Variants in RNF185 observed in about 807,000 individuals in gnomAD.
The protein encoded by RNF185 is ring finger protein 185.
Under a neutral mutation model 24.9 loss-of-function variants are expected in RNF185, and 13 were observed. The observed-to-expected ratio is 0.52, with a 90% CI of 0.34 to 0.83. RNF185 has a LOEUF of 0.83. RNF185 is among the 40% of genes least tolerant of loss of function. The pLI is 0.01. For synonymous variants in RNF185, 79 were observed against 90.3 expected (o/e 0.88, Z 0.71); for missense variants, 184 against 244.7 (o/e 0.75, Z 1.65).
chr22:31,192,598 A>G, intron 2 of RNF185, 86 bp from the exon 3 acceptor site: 1 of 1,137,436 alleles, frequency 8.8e-7, no homozygotes, highest in South Asian at 1.2e-5. Context: ...TCCACCCATC[A>G]AGTGTTTCTG....
intron 1 of RNF185, among the ~76,000 whole-genome samples, chr22:31,160,895 T>C (rs1923530616): frequency 1.3e-5 from 2 of 152,300 alleles, no homozygotes; most frequent in African/African-American, 4.8e-5. Context: ...TCTGAACTTA[T>C]GCGTAGGGGG....
intron 2 of RNF185, among the ~76,000 whole-genome samples, chr22:31,189,168 T>A (rs951134372): frequency 2.7e-5 from 4 of 149,686 alleles, no homozygotes; most frequent in Non-Finnish European, 5.9e-5. Flanking sequence ...TGTGTGTTTG[T>A]GTTTGTGTAT....
rs999848450 is a variant in RNF185, at chr22:31,205,617, T to C, written c.*1031T>C. On this transcript the variant is annotated 3_prime_UTR_variant, in exon 7 of 7. Coordinates refer to ENST00000326132, the MANE Select transcript of RNF185 (RefSeq NM_152267.4). ...AAGACCACCATCCTCAGAAGCCAAG[T>C]TGTCTTTTATGAAGAGGCAAGGAAA... 6.6e-6 allele frequency: 1 copy of C among 152,204 alleles called. No individual in the cohort carries two copies. Among genetic ancestry groups the C allele is most frequent in the African/African-American group, 2.4e-5 (1 of 41,432 alleles). 9.4% of individuals were successfully genotyped at this position (152,204 alleles called of 1,614,324 possible). A position where few individuals can be genotyped will look rare whatever the true frequency, so the allele number is the denominator to read the frequency against.
intron 3 of RNF185, among the ~76,000 whole-genome samples, chr22:31,194,039 C>G (rs908660448): frequency 1.3e-5 from 2 of 151,066 alleles, no homozygotes. Context: ...ATTACAGGTG[C>G]ACACCACCAC....
At chr22:31,196,237 T>C (rs962282604) in intron 4 of RNF185, among the ~76,000 whole-genome samples, 4 of 152,194 alleles carry the variant, frequency 2.6e-5, no homozygotes, top group South Asian at 2.1e-4. Context: ...TCATCTCTTA[T>C]GAGCAGCCCT....
chr22:31,164,181 G>C (rs930672964), intron 1 of RNF185, among the ~76,000 whole-genome samples: 1 of 149,592 alleles, frequency 6.7e-6, no homozygotes. Context: ...GGGTTTCACC[G>C]TGTTGGCCAG....
In RNF185 at chr22:31,195,496, G is replaced by A. The variant is rs2048197238; in HGVS notation, c.223G>A (p.Val75Met). The change falls in exon 4 of 7, where the codon GTG (valine) becomes ATG (methionine). Residue 75 changes from valine to methionine, a missense_variant. Val to Met is a conservative substitution (Grantham distance 21, BLOSUM62 1). Transcript: ENST00000326132. ...QWLETRPNRQVCPVCKAGISR... is the reference protein window; with the variant it reads ...QWLETRPNRQMCPVCKAGISR... ...GTTGGAGACCAGACCTAACAGACAG[G>A]TGTGTCCTGTTTGCAAAGCTGGCAT... The A allele has an allele frequency of 3.1e-6, 5 of 1,609,310 alleles. No individual in the cohort carries two copies. Among genetic ancestry groups the A allele is most frequent in the Non-Finnish European group, 4.2e-6 (5 of 1,178,030 alleles).
In RNF185 at chr22:31,188,993, G is replaced by T. The variant is rs562796358; in HGVS notation, c.176+1723G>T. Among the ~76,000 whole-genome samples, 874 of 149,446 alleles carry T rather than the reference G, an allele frequency of 5.8e-3. 13 individuals are homozygous for T. The highest frequency in any genetic ancestry group is 0.019 in the African/African-American group (793 of 40,948). On this transcript the variant is annotated intron_variant, in intron 2 of 6. Transcript: ENST00000326132. ...AAAAAAAAATTAGCCGGGTGTGGTG[G>T]AGTGCACCTGTAGTCCCAGCTGCTG...
At chr22:31,194,089 A>G (rs1425080780) in intron 3 of RNF185, among the ~76,000 whole-genome samples, 1 of 151,264 alleles carries the variant, frequency 6.6e-6, no homozygotes, top group Non-Finnish European at 1.5e-5. Context: ...GAGACAACGG[A>G]GTTTCACCAT....
intron 1 of RNF185, among the ~76,000 whole-genome samples, chr22:31,182,423 GA>G (rs1242685008): frequency 2.6e-5 from 4 of 152,192 alleles, no homozygotes; most frequent in Non-Finnish European, 5.9e-5. Flanking sequence ...GAGTAGCTGG[GA>G]CCATAGACAT....
At chr22:31,190,586 C>G (rs1389427121) in intron 2 of RNF185, among the ~76,000 whole-genome samples, 2 of 151,290 alleles carry the variant, frequency 1.3e-5, no homozygotes, top group Admixed American at 6.6e-5. Context: ...CACGCCCAGC[C>G]TGGTTTTTGG....
intron 1 of RNF185, among the ~76,000 whole-genome samples, chr22:31,165,146 G>A (rs113087907): frequency 0.041 from 6,179 of 150,438 alleles, 112 homozygotes; most frequent in Non-Finnish European, 0.051. Flanking sequence ...TGGAACTCCC[G>A]GCCTCAGGTG....
chr22:31,182,190 C>T (rs1478840523), intron 1 of RNF185, among the ~76,000 whole-genome samples: 1 of 150,452 alleles, frequency 6.6e-6, no homozygotes, highest in Non-Finnish European at 1.5e-5. Context: ...CGGCTCACTG[C>T]AGCCTCCACC....
Position 31,192,683 on chromosome 22 carries a change from G to C in RNF185, c.177-1G>C, listed in dbSNP as rs2048166968. 1.9e-6 allele frequency: 3 copies of C among 1,613,788 alleles called. No individual in the cohort carries two copies. The highest frequency in any genetic ancestry group is 2.5e-6 in the Non-Finnish European group (3 of 1,179,824). On this transcript the variant is annotated splice_acceptor_variant, in intron 2 of 6. Coordinates refer to ENST00000326132, the MANE Select transcript of RNF185 (RefSeq NM_152267.4). LOFTEE classifies it high-confidence loss of function. Reference sequence around the variant, plus strand: ...ACTGGTTGCCCTGGGGACTCTGGCAGTTGGCCGTGTTTACATCAGGTAAGA... The same window carrying C: ...ACTGGTTGCCCTGGGGACTCTGGCACTTGGCCGTGTTTACATCAGGTAAGA...
intron 1 of RNF185, among the ~76,000 whole-genome samples, chr22:31,174,555 T>G (rs1038702577): frequency 2.6e-5 from 4 of 151,988 alleles, no homozygotes; most frequent in Non-Finnish European, 5.9e-5. Context: ...AATTTTAAAT[T>G]TTTTTGGTGA....
Position 31,205,041 on chromosome 22 carries a change from T to C in RNF185, c.*455T>C. On this transcript the variant is annotated 3_prime_UTR_variant, in exon 7 of 7. Coordinates refer to ENST00000326132, the MANE Select transcript of RNF185 (RefSeq NM_152267.4). Reference sequence around the variant, plus strand: ...CTGAAGCCAGTGGGGGCTCCTCAGATAGAGAGGTTCCCCTTTCAAATCCCA... The same window carrying C: ...CTGAAGCCAGTGGGGGCTCCTCAGACAGAGAGGTTCCCCTTTCAAATCCCA... The C allele has an allele frequency of 5.4e-6, 1 of 185,346 alleles. No individual in the cohort carries two copies. The highest frequency in any genetic ancestry group is 5.6e-5 in the Admixed American group (1 of 17,906). The allele number at this position is 185,346 out of a possible 1,614,324, so 11.5% of individuals were successfully genotyped here.
In RNF185 at chr22:31,187,209, T is replaced by A; in HGVS notation, c.115T>A (p.Cys39Ser). The change falls in exon 2 of 7, where the codon TGC becomes AGC. Residue 39 changes from cysteine to serine, a missense_variant. By Grantham distance (112) the Cys-to-Ser change is moderately radical. Transcript: ENST00000326132. ...CGGAGGGCAGGACAGCACTTTCGAG[T>A]GCAACATCTGCTTGGACACAGCCAA... ...ESGGQDSTFE[C>S]NICLDTAKDA... is the part of the protein sequence containing the mutation. The A allele has an allele frequency of 6.2e-7, 1 of 1,614,022 alleles. No homozygotes were observed. Among genetic ancestry groups the A allele is most frequent in the Non-Finnish European group, 8.5e-7 (1 of 1,179,948 alleles).
In RNF185 at chr22:31,195,569, A is replaced by G. The variant is rs202037707; in HGVS notation, c.296A>G (p.Gln99Arg). 87 of 1,606,620 alleles carry G rather than the reference A, an allele frequency of 5.4e-5. No homozygotes were observed. Among genetic ancestry groups the G allele is most frequent in the Non-Finnish European group, 7.0e-5 (82 of 1,176,410 alleles). The change falls in exon 4 of 7, where the codon CAA (glutamine) becomes CGA (arginine). Residue 99 changes from glutamine (Q) to arginine (R), a missense_variant. Coordinates refer to ENST00000326132, the MANE Select transcript of RNF185 (RefSeq NM_152267.4). ...CTCTATGGAAGGGGCAGCACTGGGC[A>G]ACAGGACCCCAGGTGAGGACTCAGG... is the stretch of plus-strand genomic sequence containing the variant. ...IPLYGRGSTG[Q>R]QDPREKTPPR...
intron 5 of RNF185, among the ~76,000 whole-genome samples, chr22:31,197,688 C>A (rs1353804832): frequency 1.3e-5 from 2 of 152,210 alleles, no homozygotes; most frequent in African/African-American, 4.8e-5. Flanking sequence ...GCTGGGACCA[C>A]AGGTGCACGG....
Sources: gnomAD v4.1 joint callset for allele counts (sites outside exome capture counted in the v4.1 genomes callset) on GRCh38, gnomAD v4.1.1 for gene constraint, MANE v1.5 for transcripts, NCBI Gene and HGNC (gene_info 2026-07-23, HGNC 2026-07-21) for gene names.